Variants in NUP210L observed in about 807,000 individuals in gnomAD.
NUP210L encodes nucleoporin 210 like.
In NUP210L, 74 loss-of-function variants were observed where a neutral mutation model predicts 208.5. That is an observed-to-expected ratio of 0.35 (90% CI 0.29 to 0.43). NUP210L has a LOEUF of 0.43. Ranked by LOEUF, NUP210L falls within the 20% of genes least tolerant of loss-of-function variation. The probability of loss-of-function intolerance (pLI) is 1.00; values close to 1 mark genes in which losing one functional copy is unlikely to be tolerated. For missense variants in NUP210L, 1,843 were observed against 2,289.4 expected (o/e 0.81, Z 3.98); for synonymous variants, 780 against 816.9 (o/e 0.95, Z 0.77).
At position 154,046,228 on chromosome 1, in the gene NUP210L, T is replaced by C. The variant is rs1405545114; in HGVS notation, c.3565-28A>G. 16 of 1,613,976 alleles carry C rather than the reference T, an allele frequency of 9.9e-6. No individual in the cohort carries two copies. In the South Asian group the frequency reaches 1.1e-4, roughly 11 times the overall value. On this transcript the variant is annotated intron_variant, in intron 26 of 39. Transcript: ENST00000368559. Reference sequence around the variant, plus strand: ...GAAAATAAATAGCAGCATTGTGCTATATATTCTGCCCAGTTGCAATTATCA... The same window carrying C: ...GAAAATAAATAGCAGCATTGTGCTACATATTCTGCCCAGTTGCAATTATCA...
At chr1:154,152,380 G>A (rs1659441366) in intron 2 of NUP210L, among the ~76,000 whole-genome samples, 1 of 151,658 alleles carries the variant, frequency 6.6e-6, no homozygotes, top group Non-Finnish European at 1.5e-5. Context: ...TACCATGTTG[G>A]CCAGGCTGGT....
chr1:154,130,463 G>A (rs1047368919), intron 7 of NUP210L, among the ~76,000 whole-genome samples: 5 of 152,072 alleles, frequency 3.3e-5, no homozygotes, highest in African/African-American at 1.2e-4. Flanking sequence ...AGTAGAGACA[G>A]GGTTTTGCCA....
intron 35 of NUP210L, 81 bp from the exon 36 acceptor site, chr1:154,002,066 T>C (rs1650252813): frequency 7.1e-7 from 1 of 1,409,624 alleles, no homozygotes; most frequent in African/African-American, 1.4e-5. Flanking sequence ...GAAGGGAAAA[T>C]TGTGACATGC....
chr1:154,004,315 T>C (rs913273830), intron 35 of NUP210L, among the ~76,000 whole-genome samples: 1 of 152,012 alleles, frequency 6.6e-6, no homozygotes, highest in Non-Finnish European at 1.5e-5. Flanking sequence ...GTGATCCACC[T>C]GCCTCAGCCT....
intron 33 of NUP210L, among the ~76,000 whole-genome samples, chr1:154,012,862 C>T (rs1225678948): frequency 1.3e-5 from 2 of 151,802 alleles, no homozygotes; most frequent in African/African-American, 4.8e-5. Context: ...CAAAATTAGC[C>T]GGGCTTGGTG....
At chr1:154,150,101 G>A (rs1052877810) in intron 2 of NUP210L, among the ~76,000 whole-genome samples, 5 of 152,216 alleles carry the variant, frequency 3.3e-5, no homozygotes, top group African/African-American at 1.2e-4. Flanking sequence ...AAGGCCAGGT[G>A]TGGTGGCTCA....
intron 16 of NUP210L, among the ~76,000 whole-genome samples, chr1:154,083,386 G>C (rs1655453413): frequency 6.6e-6 from 1 of 152,198 alleles, no homozygotes; most frequent in Non-Finnish European, 1.5e-5. Flanking sequence ...GTCCCCACCA[G>C]ACCCAGAAGC....
At chr1:154,046,179 C>A (rs183446732) in exon 27 of NUP210L, 1 of 1,614,070 alleles carries the variant, frequency 6.2e-7, no homozygotes. Context: ...GTACTGGTTA[C>A]TCCCATGACA....
At chr1:154,053,323 T>C (rs1037974053) in intron 25 of NUP210L, among the ~76,000 whole-genome samples, 1 of 152,236 alleles carries the variant, frequency 6.6e-6, no homozygotes, top group Admixed American at 6.5e-5. Context: ...TGCCTTTATA[T>C]AGTCTGCAGA....
At chr1:154,127,553 CTTTTT>C (rs10531787) in intron 8 of NUP210L, 136 bp from the exon 9 acceptor site, 945 of 184,020 alleles carry the variant, frequency 5.1e-3, no homozygotes, top group Middle Eastern at 9.9e-3. Context: ...AAAGTAGGTT[CTTTTT>C]TTTTTTTTTT....
intron 7 of NUP210L, among the ~76,000 whole-genome samples, 162 bp downstream of exon 7, chr1:154,135,652 A>G (rs984308317): frequency 1.3e-5 from 2 of 151,806 alleles, no homozygotes. Context: ...CGATCTCCTG[A>G]CCTTGTGATC....
At chr1:154,115,678 A>AT (rs1217894409) in intron 12 of NUP210L, among the ~76,000 whole-genome samples, 1 of 152,180 alleles carries the variant, frequency 6.6e-6, no homozygotes, top group African/African-American at 2.4e-5. Context: ...TCATGTCAAT[A>AT]TATCTTCCTA....
chr1:153,996,267 G>T (rs531444789), intron 37 of NUP210L, among the ~76,000 whole-genome samples: 2 of 152,242 alleles, frequency 1.3e-5, no homozygotes, highest in Non-Finnish European at 1.5e-5. Context: ...ACTCCAGCCT[G>T]GGTGACAGAG....
intron 13 of NUP210L, among the ~76,000 whole-genome samples, chr1:154,102,705 GGGATCA>G (rs1656529458): frequency 6.6e-6 from 1 of 152,012 alleles, no homozygotes. Flanking sequence ...AAAAACAATG[GGGATCA>G]GGATCAAATA....
intron 27 of NUP210L, among the ~76,000 whole-genome samples, chr1:154,040,972 C>A (rs537588292): frequency 6.0e-4 from 90 of 151,230 alleles, no homozygotes; most frequent in African/African-American, 2.2e-3. Flanking sequence ...CCTTTTTGTG[C>A]CTTTTTTTGA....
chr1:154,101,107 G>C (rs1246506859), intron 13 of NUP210L, among the ~76,000 whole-genome samples: 1 of 148,706 alleles, frequency 6.7e-6, no homozygotes, highest in Non-Finnish European at 1.5e-5. Context: ...AGAAGGCAGA[G>C]GTTGCCGTGA....
intron 33 of NUP210L, among the ~76,000 whole-genome samples, chr1:154,017,045 C>T (rs546352294): frequency 2.1e-4 from 32 of 152,154 alleles, no homozygotes; most frequent in Admixed American, 3.3e-4. Flanking sequence ...ATCTGGGAGG[C>T]GGAGGCGAGC....
intron 7 of NUP210L, among the ~76,000 whole-genome samples, chr1:154,130,284 A>G (rs1402933391): frequency 6.6e-6 from 1 of 152,028 alleles, no homozygotes; most frequent in African/African-American, 2.4e-5. Context: ...GGTTGCAGTG[A>G]GCTGAGATTG....
At chr1:154,007,107 C>A (rs183487302) in intron 35 of NUP210L, among the ~76,000 whole-genome samples, 1 of 149,052 alleles carries the variant, frequency 6.7e-6, no homozygotes, top group African/African-American at 2.5e-5. Flanking sequence ...GGATTACAGG[C>A]GCCCGCCACC....
Sources: gnomAD v4.1 joint callset for allele counts (sites outside exome capture counted in the v4.1 genomes callset) on GRCh38, gnomAD v4.1.1 for gene constraint, MANE v1.5 for transcripts, NCBI Gene and HGNC (gene_info 2026-07-23, HGNC 2026-07-21) for gene names.